LRRC27: variants seen among roughly 807,000 people sequenced by gnomAD.
The protein encoded by LRRC27 is leucine-rich repeat-containing protein 27.
LRRC27 carries 57 observed loss-of-function variants against 55.0 expected under a neutral mutation model. That is an observed-to-expected ratio of 1.04 (90% confidence interval 0.84 to 1.29). The LOEUF is 1.29. LRRC27 is among the 50% of genes most tolerant of loss of function. The probability of loss-of-function intolerance (pLI) is 0.00; values close to 1 mark genes in which losing one functional copy is unlikely to be tolerated. For synonymous variants in LRRC27, 278 were observed against 251.9 expected (o/e 1.10, Z -0.98); for missense variants, 721 against 651.5 (o/e 1.11, Z -1.16).
At chr10:132,335,528 C>T in intron 2 of LRRC27, among the ~76,000 whole-genome samples, 1 of 149,434 alleles carries the variant, frequency 6.7e-6, no homozygotes, top group Non-Finnish European at 1.5e-5. Flanking sequence ...TGGGTAGGGG[C>T]TGTAGGGCGC....
intron 7 of LRRC27, among the ~76,000 whole-genome samples, chr10:132,354,534 G>A (rs1383979910): frequency 2.0e-5 from 3 of 152,186 alleles, no homozygotes; most frequent in Admixed American, 1.3e-4. Context: ...CCAGGCAGGC[G>A]TCAGGACACA....
chr10:132,331,767 C>A (rs2138535658), upstream of LRRC27: 1 of 1,609,824 alleles, frequency 6.2e-7, no homozygotes, highest in East Asian at 2.2e-5. Context: ...CTGTGCCAGG[C>A]CGGTCGCCCC....
At chr10:132,339,042 A>G (rs1268487387) in intron 3 of LRRC27, among the ~76,000 whole-genome samples, 1 of 152,142 alleles carries the variant, frequency 6.6e-6, no homozygotes, top group South Asian at 2.1e-4. Flanking sequence ...GCTGATATGA[A>G]GGCCCCATAT....
intron 8 of LRRC27, among the ~76,000 whole-genome samples, chr10:132,359,549 G>A (rs947156698): frequency 3.3e-5 from 5 of 152,244 alleles, no homozygotes; most frequent in African/African-American, 4.8e-5. Flanking sequence ...TGGGCTGGGC[G>A]GGCCTGGGGA....
chr10:132,346,756 C>T (rs144117068), intron 5 of LRRC27, among the ~76,000 whole-genome samples: 109 of 152,302 alleles, frequency 7.2e-4, no homozygotes, highest in African/African-American at 2.5e-3. Context: ...TGTCCCTGGC[C>T]CTAAATCAGT....
At chr10:132,361,821 TAC>T (rs1450108429) in intron 9 of LRRC27, among the ~76,000 whole-genome samples, 1 of 152,028 alleles carries the variant, frequency 6.6e-6, no homozygotes, top group Non-Finnish European at 1.5e-5. Context: ...GTCACCAGGA[TAC>T]AGAGTGCTCC....
In LRRC27 at chr10:132,365,547, A is replaced by T; in HGVS notation, c.1413A>T (p.Glu471Asp). 6.2e-7 allele frequency: 1 copy of T among 1,612,980 alleles called. No homozygotes were observed. Residue 471 changes from glutamate to aspartate, a missense_variant, in exon 10 of 11, where the codon GAA becomes GAT. Transcript: ENST00000368614. ...EEMRKAAEDLEIATELQDEVL... is the reference protein window; with the variant it reads ...EEMRKAAEDLDIATELQDEVL... ...TGAGGAAGGCTGCCGAGGATCTGGAAATTGTAAGGATTTCTTGGTTCTGTT... is the reference window on the plus strand; with the variant it reads ...TGAGGAAGGCTGCCGAGGATCTGGATATTGTAAGGATTTCTTGGTTCTGTT...
chr10:132,342,725 G>A (rs1236430737), intron 4 of LRRC27, among the ~76,000 whole-genome samples: 2 of 152,172 alleles, frequency 1.3e-5, no homozygotes, highest in Non-Finnish European at 2.9e-5. Context: ...AACTATCACA[G>A]AAGCAAGTTT....
At chr10:132,369,850 A>G (rs796224032) in intron 10 of LRRC27, among the ~76,000 whole-genome samples, 63 of 152,034 alleles carry the variant, frequency 4.1e-4, no homozygotes, top group African/African-American at 1.5e-3. Context: ...TGTGTCCCCC[A>G]CTGTTCTCCC....
At chr10:132,364,419 T>A (rs2068845378) in intron 9 of LRRC27, among the ~76,000 whole-genome samples, 1 of 147,570 alleles carries the variant, frequency 6.8e-6, no homozygotes, top group Non-Finnish European at 1.5e-5. Flanking sequence ...ACACCCGCGC[T>A]TACACCCACG....
chr10:132,349,274 C>T (rs1003075440), intron 6 of LRRC27, among the ~76,000 whole-genome samples: 1 of 152,188 alleles, frequency 6.6e-6, no homozygotes, highest in Admixed American at 6.5e-5. Context: ...AGGCTCCACG[C>T]AGCGTCCAGC....
At chr10:132,362,922 A>G (rs1404456567) in intron 9 of LRRC27, among the ~76,000 whole-genome samples, 1 of 60,114 alleles carries the variant, frequency 1.7e-5, no homozygotes, top group Non-Finnish European at 3.3e-5. Context: ...GCAGCTCAGG[A>G]GTATGGGGTT....
intron 9 of LRRC27, among the ~76,000 whole-genome samples, chr10:132,365,064 A>G (rs2068998242): frequency 2.0e-5 from 3 of 152,274 alleles, no homozygotes; most frequent in South Asian, 4.1e-4. Context: ...CGTGTATTCC[A>G]TGTGGGAACA....
rs2069401379 is a variant in LRRC27 at position 132,380,764 on chromosome 10, C to G, written c.*5522C>G. Among the ~76,000 whole-genome samples the G allele has an allele frequency of 6.6e-6, 1 of 152,172 alleles. No individual in the cohort carries two copies. The highest frequency in any genetic ancestry group is 2.4e-5 in the African/African-American group (1 of 41,444). On this transcript the variant is annotated 3_prime_UTR_variant, in exon 11 of 11. Coordinates refer to ENST00000368614, the MANE Select transcript of LRRC27 (RefSeq NM_030626.3). ...ACCCATAGAGTGCCACCAGTCATGC[C>G]AAAGAGCTCCTGAGAAGCAGAGAAA...
At chr10:132,337,080 C>T in intron 2 of LRRC27, 1 of 1,280,728 alleles carries the variant, frequency 7.8e-7, no homozygotes. Context: ...AACACCACGG[C>T]AGACATCTCT....
upstream of LRRC27, chr10:132,331,790 C>T (rs746151290): frequency 1.2e-5 from 19 of 1,605,306 alleles, no homozygotes; most frequent in South Asian, 1.5e-4. Context: ...CAGACCCTCG[C>T]GGTCTCTACT....
chr10:132,358,966 G>A (rs1487468087), intron 8 of LRRC27, among the ~76,000 whole-genome samples: 1 of 51,646 alleles, frequency 1.9e-5, no homozygotes. Context: ...GGAGTGTGGG[G>A]AGGAGCCGAG....
At position 132,351,565 on chromosome 10, in the gene LRRC27, G is replaced by T; in HGVS notation, c.927-42G>T. Reference sequence around the variant, plus strand: ...CATGTTGTATGAATTACCGTCACAGGGTTTTGTTAAACATTCAGCTAAAAA... The same window carrying T: ...CATGTTGTATGAATTACCGTCACAGTGTTTTGTTAAACATTCAGCTAAAAA... On this transcript the variant is annotated intron_variant, in intron 6 of 10. Coordinates refer to ENST00000368614, the MANE Select transcript of LRRC27 (RefSeq NM_030626.3). 4.4e-6 allele frequency: 7 copies of T among 1,595,928 alleles called. No homozygotes were observed. The African/African-American group carries it at 6.7e-5, about 15-fold the overall frequency.
intron 4 of LRRC27, among the ~76,000 whole-genome samples, chr10:132,342,472 G>C (rs1375296044): frequency 1.3e-5 from 2 of 152,196 alleles, no homozygotes; most frequent in East Asian, 3.8e-4. Flanking sequence ...TGACGTGTGA[G>C]CCTTGTGTGA....
Sources: gnomAD v4.1 joint callset for allele counts (sites outside exome capture counted in the v4.1 genomes callset) on GRCh38, gnomAD v4.1.1 for gene constraint, MANE v1.5 for transcripts, NCBI Gene and HGNC (gene_info 2026-07-23, HGNC 2026-07-21) for gene names.